KTN1: variants seen among roughly 807,000 people sequenced by gnomAD.
KTN1 encodes kinectin 1.
KTN1 carries 130 observed loss-of-function variants against 222.5 expected under a neutral mutation model. That is an observed-to-expected ratio of 0.58 (90% CI 0.51 to 0.68). KTN1 has a LOEUF of 0.68. Among genes scored for constraint, KTN1 ranks in the 30% least tolerant of loss-of-function variants. The pLI is 0.00. For synonymous variants in KTN1, 512 were observed against 496.3 expected, an observed-to-expected ratio of 1.03 and a Z score of -0.42; for missense variants, 1,508 against 1,500.4, an observed-to-expected ratio of 1.01 and a Z score of -0.08.
chr14:55,663,768 C>CG (rs2044400523), intron 32 of KTN1, 187 bp from the exon 33 acceptor site: 1 of 516,426 alleles, frequency 1.9e-6, no homozygotes, highest in Admixed American at 3.5e-5. Context: ...GGAAAGTGGG[C>CG]GTCTTTATTT....
In KTN1 at chr14:55,646,973, C is replaced by T. The variant is rs1437221502; in HGVS notation, c.2173C>T (p.Pro725Ser). The T allele has an allele frequency of 6.6e-7, 1 of 1,525,038 alleles. No homozygotes were observed. Among genetic ancestry groups the T allele is most frequent in the African/African-American group, 1.4e-5 (1 of 73,120 alleles). The allele number at this position is 1,525,038 out of a possible 1,614,324, so 94.5% of individuals were successfully genotyped here. Residue 725 changes from proline to serine, a missense_variant and splice_region_variant, in exon 19 of 44, where the codon CCT (proline) becomes TCT (serine). Pro to Ser is a moderately conservative substitution (Grantham distance 74). Transcript: ENST00000395314. Reference protein sequence around the residue: ...QKLQTLVSEQPNKDVVEQMEK... With the variant: ...QKLQTLVSEQSNKDVVEQMEK... ...CTTTTTTTGGTGATTTTTATTTTAG[C>T]CTAATAAGGATGTTGTGGAACAAAT...
chr14:55,595,636 C>G (rs2034895000), intron 1 of KTN1, among the ~76,000 whole-genome samples: 3 of 152,250 alleles, frequency 2.0e-5, no homozygotes, highest in Admixed American at 1.3e-4. Flanking sequence ...CTTTCTAAAC[C>G]ATTAATTGTC....
At chr14:55,653,427 G>A (rs932375022) in intron 27 of KTN1, 132 bp from the exon 28 acceptor site, 10 of 648,364 alleles carry the variant, frequency 1.5e-5, no homozygotes, top group Non-Finnish European at 2.6e-5. Flanking sequence ...CTTTATAAAT[G>A]ACCCAATCTT....
intron 35 of KTN1, 124 bp from the exon 36 acceptor site, chr14:55,671,442 A>T: frequency 1.6e-6 from 1 of 639,438 alleles, no homozygotes; most frequent in Non-Finnish European, 2.7e-6. Context: ...GTTGAAATGT[A>T]GTGTTTCCTT....
intron 43 of KTN1, chr14:55,683,048 A>G (rs1257809760): frequency 1.3e-5 from 2 of 152,170 alleles, no homozygotes; most frequent in East Asian, 3.8e-4. Context: ...TCTGAAAGAA[A>G]AAGTCCTTTT....
intron 1 of KTN1, among the ~76,000 whole-genome samples, chr14:55,587,911 T>C (rs2033357411): frequency 1.3e-5 from 2 of 152,328 alleles, no homozygotes; most frequent in African/African-American, 2.4e-5. Context: ...ATTCTTTCAC[T>C]CTTTTTTTTC....
intron 19 of KTN1, 86 bp from the exon 20 acceptor site, chr14:55,647,939 G>A: frequency 2.8e-6 from 1 of 355,268 alleles, no homozygotes. Context: ...GCGAGTCTCT[G>A]TCTCAAAAAA....
At chr14:55,680,915 C>A in intron 43 of KTN1, 1 of 366,138 alleles carries the variant, frequency 2.7e-6, no homozygotes, top group Admixed American at 3.6e-5. Context: ...TAGGAAATAA[C>A]CTTGCTTCCT....
chr14:55,588,262 G>A (rs973805916), intron 1 of KTN1, among the ~76,000 whole-genome samples: 1 of 152,156 alleles, frequency 6.6e-6, no homozygotes, highest in Non-Finnish European at 1.5e-5. Flanking sequence ...TTACAATACT[G>A]TACTGTTTAT....
chr14:55,669,105 T>C (rs923356327), intron 34 of KTN1, among the ~76,000 whole-genome samples: 1 of 152,108 alleles, frequency 6.6e-6, no homozygotes, highest in East Asian at 1.9e-4. Context: ...TTGTTTCTAC[T>C]TTATATTTAT....
intron 32 of KTN1, chr14:55,663,501 A>G (rs2044364660): frequency 6.1e-6 from 1 of 165,054 alleles, no homozygotes; most frequent in African/African-American, 2.4e-5. Context: ...TGTTAATTGT[A>G]TTAAACCATA....
intron 18 of KTN1, chr14:55,644,552 G>T: frequency 1.6e-4 from 66 of 411,818 alleles, no homozygotes; most frequent in East Asian, 3.2e-4. Flanking sequence ...CATTTACTCA[G>T]AATAAGACTT....
At chr14:55,681,858 C>G (rs536013916) in intron 43 of KTN1, 1 of 152,076 alleles carries the variant, frequency 6.6e-6, no homozygotes, top group Admixed American at 6.6e-5. Flanking sequence ...TCTTTATACC[C>G]GTTAAATGTT....
chr14:55,590,474 T>G (rs1411292967), intron 1 of KTN1, among the ~76,000 whole-genome samples: 2 of 152,284 alleles, frequency 1.3e-5, no homozygotes, highest in African/African-American at 4.8e-5. Flanking sequence ...ATACCCAGTT[T>G]GAGAACATAA....
chr14:55,586,498 A>C (rs2033030328), intron 1 of KTN1, among the ~76,000 whole-genome samples: 2 of 152,196 alleles, frequency 1.3e-5, no homozygotes. Flanking sequence ...GAGACAAATA[A>C]TTTGTTCAAA....
chr14:55,670,209 G>T (rs2045321279), intron 34 of KTN1, among the ~76,000 whole-genome samples: 1 of 151,976 alleles, frequency 6.6e-6, no homozygotes, highest in South Asian at 2.1e-4. Context: ...TAATTTGAAT[G>T]AAATAATTTT....
chr14:55,639,158 T>G (rs1185349730), intron 12 of KTN1, 27 bp from the exon 13 acceptor site: 7 of 1,525,038 alleles, frequency 4.6e-6, no homozygotes, highest in Non-Finnish European at 6.4e-6. Context: ...TAAATACTTT[T>G]ATGTTGACAC....
chr14:55,671,419 G>A (rs1196268532), intron 35 of KTN1, 147 bp from the exon 36 acceptor site: 8 of 591,452 alleles, frequency 1.4e-5, no homozygotes, highest in African/African-American at 1.1e-4. Flanking sequence ...GAACTTCATC[G>A]CTACTTAGAA....
At chr14:55,652,393 CTTTT>C (rs769501863) in intron 25 of KTN1, among the ~76,000 whole-genome samples, 58 of 117,406 alleles carry the variant, frequency 4.9e-4, no homozygotes, top group African/African-American at 1.6e-3. Flanking sequence ...TCTTAAATGC[CTTTT>C]TTTTTTTTTT....
Sources: gnomAD v4.1 joint callset for allele counts (sites outside exome capture counted in the v4.1 genomes callset) on GRCh38, gnomAD v4.1.1 for gene constraint, MANE v1.5 for transcripts, NCBI Gene and HGNC (gene_info 2026-07-23, HGNC 2026-07-21) for gene names.